Variants in STK40 observed in about 807,000 individuals in gnomAD.
STK40 encodes serine/threonine kinase 40, also known as serine/threonine-protein kinase 40.
A neutral mutation model predicts 47.9 loss-of-function variants in STK40; 13 were observed. That is an observed-to-expected ratio of 0.27 (90% CI 0.18 to 0.43). The LOEUF (loss-of-function observed/expected upper bound fraction) is 0.43. Among genes scored for constraint, STK40 ranks in the 20% least tolerant of loss-of-function variants. The pLI is 1.00. For missense variants in STK40, 460 were observed against 595.1 expected (o/e 0.77, Z 2.36); for synonymous variants, 225 against 243.2 (o/e 0.93, Z 0.69).
At chr1:36,369,019 G>C (rs2124745623) in intron 1 of STK40, among the ~76,000 whole-genome samples, 1 of 152,316 alleles carries the variant, frequency 6.6e-6, no homozygotes, top group Middle Eastern at 3.4e-3. Context: ...CAGGTTCAGA[G>C]GGACCTGTGG....
At chr1:36,357,679 C>T (rs1646816784) in intron 4 of STK40, among the ~76,000 whole-genome samples, 2 of 152,294 alleles carry the variant, frequency 1.3e-5, no homozygotes, top group South Asian at 2.1e-4. Flanking sequence ...TTCAGTGGCA[C>T]AATCTTGGCT....
rs1394665581 is a variant in STK40 at position 36,339,674 on chromosome 1, T to A, written c.*2081A>T. The A allele has an allele frequency of 6.5e-6, 1 of 152,698 alleles. No homozygotes were observed. Among genetic ancestry groups the A allele is most frequent in the Admixed American group, 6.5e-5 (1 of 15,288 alleles). The allele number at this position is 152,698 out of a possible 1,614,324, so 9.5% of individuals were successfully genotyped here. ...TGCTGACATGCAGGAAGAGTCCCCA[T>A]GTAGTACAAAAATATGTCTTTATAC... On this transcript the variant is annotated 3_prime_UTR_variant, in exon 11 of 11. Coordinates refer to ENST00000373132, the MANE Select transcript of STK40 (RefSeq NM_001282547.2).
chr1:36,343,379 C>T lies in STK40; in HGVS notation c.1074G>A (p.Ala358=), dbSNP rs76939556. The change falls in exon 10 of 11, where the codon GCG becomes GCA. Residue 358 remains alanine (A), a synonymous_variant. Transcript: ENST00000373132. ...VPDIDDQMSN[A]DSSQEAKVTE... is the part of the protein sequence containing the mutation. The stretch of plus-strand genomic sequence containing the variant: ...CCCAACTCACCTCCTGGGAGCTATC[C>T]GCATTGCTCATTTGGTCATCAATGT... 1.4e-5 allele frequency: 22 copies of T among 1,613,134 alleles called. No homozygotes were observed. Among genetic ancestry groups the T allele is most frequent in the African/African-American group, 2.7e-5 (2 of 75,038 alleles).
rs1557530064 is a variant in STK40 at position 36,385,848 on chromosome 1, CG to C, written c.-135del. The C allele has an allele frequency of 1.7e-5, 3 of 177,712 alleles. No individual in the cohort carries two copies. 11.0% of individuals were successfully genotyped at this position (177,712 alleles called of 1,614,324 possible). A position where few individuals can be genotyped will look rare whatever the true frequency, so the allele number is the denominator to read the frequency against. ...CGAGCCTCTCACCGCCGCCTCCCAG[CG>C]CAGCCACCCGAGCCGCCGCCGCCGC... On this transcript the variant is annotated 5_prime_UTR_variant, in exon 1 of 11. An upstream open reading frame in the 5' UTR loses its in-frame stop. Coordinates refer to ENST00000373132, the MANE Select transcript of STK40 (RefSeq NM_001282547.2).
rs1015654942 is a variant in STK40 at position 36,341,676 on chromosome 1, A to G, written c.*79T>C. ...GTGGCCCGGGAGAGTCCAGCACTAC[A>G]GGGCCCAGCCCTGACAGCCACGCCT... On this transcript the variant is annotated 3_prime_UTR_variant, in exon 11 of 11. Coordinates refer to ENST00000373132, the MANE Select transcript of STK40 (RefSeq NM_001282547.2). The G allele has an allele frequency of 1.0e-4, 160 of 1,550,770 alleles. No homozygotes were observed. Among genetic ancestry groups the G allele is most frequent in the Non-Finnish European group, 1.3e-4 (150 of 1,136,470 alleles).
At chr1:36,361,191 A>G (rs1377819105) in intron 2 of STK40, 30 bp downstream of exon 2, 2 of 1,613,010 alleles carry the variant, frequency 1.2e-6, no homozygotes, top group Non-Finnish European at 1.7e-6. Flanking sequence ...CTCCCAGCCC[A>G]CCCATTTTTC....
intron 6 of STK40, among the ~76,000 whole-genome samples, chr1:36,349,986 G>A (rs1490724814): frequency 2.6e-5 from 4 of 152,214 alleles, no homozygotes; most frequent in South Asian, 2.1e-4. Flanking sequence ...CAGAGGCAGA[G>A]GGCATGTGTG....
At chr1:36,380,783 A>G (rs1647033448) in intron 1 of STK40, among the ~76,000 whole-genome samples, 1 of 152,202 alleles carries the variant, frequency 6.6e-6, no homozygotes, top group Non-Finnish European at 1.5e-5. Flanking sequence ...GAAGGAAGGA[A>G]AGCTGCCCTT....
At chr1:36,367,321 A>T (rs969561240) in intron 1 of STK40, among the ~76,000 whole-genome samples, 1 of 152,196 alleles carries the variant, frequency 6.6e-6, no homozygotes, top group African/African-American at 2.4e-5. Context: ...TTCTGAAAGC[A>T]GGGGGTTCCA....
At chr1:36,368,282 T>C (rs1368384313) in intron 1 of STK40, among the ~76,000 whole-genome samples, 1 of 151,546 alleles carries the variant, frequency 6.6e-6, no homozygotes, top group Admixed American at 6.6e-5. Flanking sequence ...GCTATATATA[T>C]ATTTTTTTTC....
intron 1 of STK40, among the ~76,000 whole-genome samples, chr1:36,376,182 T>C (rs976488244): frequency 6.6e-6 from 1 of 152,160 alleles, no homozygotes; most frequent in Non-Finnish European, 1.5e-5. Context: ...TGCCCCTCTG[T>C]TGGCTTCACC....
At chr1:36,343,088 TGA>T in intron 10 of STK40, 1 of 611,514 alleles carries the variant, frequency 1.6e-6, no homozygotes, top group Non-Finnish European at 2.9e-6. Flanking sequence ...AGGAGGAAGC[TGA>T]GAGGGCTGGC....
rs928177408 is a variant in STK40, at chr1:36,355,423, C to T, written c.353G>A (p.Cys118Tyr). Residue 118 changes from cysteine to tyrosine, a missense_variant, in exon 5 of 11, where the codon TGT becomes TAT. Around this residue, in one of 3 missense-constraint regions of STK40, gnomAD observed 277 missense variants for 358.7 expected, o/e 0.77. Coordinates refer to ENST00000373132, the MANE Select transcript of STK40 (RefSeq NM_001282547.2). ...HHHGLFQDRTCEIVEDTESSR... is the reference protein window; with the variant it reads ...HHHGLFQDRTYEIVEDTESSR... ...GGATTCTGTGTCCTCAACGATTTCA[C>T]AGGTGCGGTCCTGGGAGGCAAGGGG... The T allele has an allele frequency of 6.2e-7, 1 of 1,614,196 alleles. No individual in the cohort carries two copies.
intron 5 of STK40, 35 bp downstream of exon 5, chr1:36,355,171 T>G (rs1646791445): frequency 6.2e-7 from 1 of 1,604,378 alleles, no homozygotes; most frequent in Non-Finnish European, 8.5e-7. Flanking sequence ...TGGCTTTCTG[T>G]GGCCAGAAGG....
At chr1:36,370,233 A>G (rs1304241614) in intron 1 of STK40, among the ~76,000 whole-genome samples, 1 of 152,252 alleles carries the variant, frequency 6.6e-6, no homozygotes, top group Non-Finnish European at 1.5e-5. Context: ...AGCTGTGCAG[A>G]AGCCCTCACT....
intron 1 of STK40, among the ~76,000 whole-genome samples, chr1:36,384,969 A>T (rs1446866146): frequency 6.6e-6 from 1 of 152,238 alleles, no homozygotes; most frequent in African/African-American, 2.4e-5. Flanking sequence ...AAACAGAGCA[A>T]AGTCTATCCT....
chr1:36,345,397 A>T (rs1439814710), intron 7 of STK40, among the ~76,000 whole-genome samples: 1 of 152,262 alleles, frequency 6.6e-6, no homozygotes, highest in Non-Finnish European at 1.5e-5. Context: ...CGGCACCTTC[A>T]GGATGGCACT....
At chr1:36,345,968 C>CATATATATATATAT (rs1553135169) in intron 7 of STK40, among the ~76,000 whole-genome samples, 5 of 29,930 alleles carry the variant, frequency 1.7e-4, no homozygotes, top group Admixed American at 4.3e-4. Flanking sequence ...AAGGGCATTA[C>CATATATATATATAT]ATATATATAT....
At chr1:36,369,564 C>T (rs1646927769) in intron 1 of STK40, among the ~76,000 whole-genome samples, 2 of 152,200 alleles carry the variant, frequency 1.3e-5, no homozygotes, top group African/African-American at 4.8e-5. Flanking sequence ...CCCAACTCTC[C>T]CTGGTTGGCA....
Sources: allele counts gnomAD v4.1 joint callset (sites outside exome capture counted in the v4.1 genomes callset), GRCh38; gene constraint gnomAD v4.1.1; regional missense constraint gnomAD v4.1.1; transcripts MANE v1.5; gene names NCBI Gene and HGNC (gene_info 2026-07-23, HGNC 2026-07-21).